The following USH2A variants were observed in gnomAD, a reference collection of about 807,000 sequenced individuals.
USH2A encodes the protein Usher syndrome 2A (autosomal recessive, mild).
A neutral mutation model predicts 538.9 loss-of-function variants in USH2A; 443 were observed. The ratio of observed to expected loss-of-function variants is 0.82; its 90% CI spans 0.76 to 0.89. USH2A has a LOEUF of 0.89. Among genes scored for constraint, USH2A ranks in the 40% least tolerant of loss-of-function variants. The probability of loss-of-function intolerance (pLI) is 0.00; values close to 1 mark genes in which losing one functional copy is unlikely to be tolerated. For synonymous variants in USH2A, 2,413 were observed against 2,273.5 expected, an observed-to-expected ratio of 1.06 and a Z score of -1.75; for missense variants, 6,633 against 6,324.8, an observed-to-expected ratio of 1.05 and a Z score of -1.65.
intron 38 of USH2A, among the ~76,000 whole-genome samples, chr1:215,933,918 G>A (rs35727012): frequency 0.096 from 14,571 of 151,918 alleles, 1,069 homozygotes; most frequent in African/African-American, 0.2. Context: ...CCCTAGAGGG[G>A]TTTTCCTCAA....
In USH2A at chr1:215,759,834, A is replaced by G. The variant is rs770082823; in HGVS notation, c.11057T>C (p.Val3686Ala). Residue 3686 changes from valine to alanine, a missense_variant, in exon 57 of 72, where the codon GTG becomes GCG. Val to Ala is a moderately conservative substitution (Grantham distance 64). Coordinates refer to ENST00000307340, the MANE Select transcript of USH2A (RefSeq NM_206933.4). Reference protein sequence around the residue: ...TLQAAPEGVWVTPRHIIINST... With the variant: ...TLQAAPEGVWATPRHIIINST... ...ATTGATGATAATGTGTCGAGGTGTC[A>G]CCCAAACTCCTGGCAAGAATAACGC... 5.6e-6 allele frequency: 9 copies of G among 1,614,016 alleles called. No homozygotes were observed. In the South Asian group the frequency reaches 9.9e-5, roughly 18 times the overall value.
chr1:215,912,749 C>T (rs1259515597), intron 38 of USH2A, among the ~76,000 whole-genome samples: 1 of 151,956 alleles, frequency 6.6e-6, no homozygotes, highest in Non-Finnish European at 1.5e-5. Context: ...ATTATTTCAT[C>T]ACCCAGGTAA....
chr1:216,183,239 C>T (rs1002190910), intron 20 of USH2A, among the ~76,000 whole-genome samples: 10 of 151,938 alleles, frequency 6.6e-5, no homozygotes, highest in Admixed American at 2.6e-4. Flanking sequence ...TCATCAGCTG[C>T]GCTTTTCTAT....
At chr1:216,115,122 GTT>G (rs1188390174) in intron 21 of USH2A, among the ~76,000 whole-genome samples, 1 of 149,226 alleles carries the variant, frequency 6.7e-6, no homozygotes, top group Non-Finnish European at 1.5e-5. Context: ...TTTTTGTTTT[GTT>G]TTGTTTTGTT....
rs541449864 is a variant in USH2A, at chr1:215,687,152, G to A, written c.12067-6776C>T. Reference sequence around the variant, plus strand: ...GGGTAACAATGAGGCCAACTCAAATGTACTCATAAGTGTTAAAGCATTCCT... The same window carrying A: ...GGGTAACAATGAGGCCAACTCAAATATACTCATAAGTGTTAAAGCATTCCT... On this transcript the variant is annotated intron_variant, in intron 61 of 71. Coordinates refer to ENST00000307340, the MANE Select transcript of USH2A (RefSeq NM_206933.4). 9.2e-5 allele frequency among the ~76,000 whole-genome samples: 14 copies of A among 152,198 alleles called. No individual in the cohort carries two copies. In the South Asian group the frequency reaches 2.3e-3, roughly 25 times the overall value.
chr1:215,713,904 G>T (rs1659409497), intron 61 of USH2A, among the ~76,000 whole-genome samples: 3 of 152,208 alleles, frequency 2.0e-5, no homozygotes, highest in Admixed American at 1.3e-4. Context: ...TGAGAGAGCT[G>T]CAATCAAATC....
chr1:216,175,157 G>T, intron 21 of USH2A, 95 bp downstream of exon 21: 2 of 1,566,084 alleles, frequency 1.3e-6, no homozygotes, highest in Non-Finnish European at 1.7e-6. Flanking sequence ...TCTCTAAGTA[G>T]GTATAATAAA....
chr1:215,875,589 T>A (rs1664742255), intron 43 of USH2A, among the ~76,000 whole-genome samples: 1 of 152,066 alleles, frequency 6.6e-6, no homozygotes, highest in South Asian at 2.1e-4. Flanking sequence ...ATAACTAACT[T>A]CATGGCCTTG....
At chr1:216,275,471 A>G (rs1324030982) in intron 11 of USH2A, among the ~76,000 whole-genome samples, 1 of 152,088 alleles carries the variant, frequency 6.6e-6, no homozygotes, top group Non-Finnish European at 1.5e-5. Flanking sequence ...TGGCTTAACT[A>G]TCTGTTTTAT....
chr1:215,705,494 T>C (rs941152029), intron 61 of USH2A, among the ~76,000 whole-genome samples: 1 of 152,338 alleles, frequency 6.6e-6, no homozygotes, highest in Non-Finnish European at 1.5e-5. Context: ...ACAGTGATTA[T>C]AAGATTGTTA....
intron 48 of USH2A, among the ~76,000 whole-genome samples, 188 bp from the exon 49 acceptor site, chr1:215,814,092 T>C (rs147144687): frequency 4.2e-4 from 64 of 150,818 alleles, no homozygotes; most frequent in Admixed American, 2.5e-3. Context: ...TTTGATAGAA[T>C]GCAGCTTTTT....
intron 44 of USH2A, among the ~76,000 whole-genome samples, chr1:215,854,813 T>C (rs2365630): frequency 0.57 from 86,544 of 151,950 alleles, 24,920 homozygotes; most frequent in Admixed American, 0.68. Context: ...ACCTGGCCAG[T>C]GCCATGTTGT....
chr1:215,844,537 C>G, intron 45 of USH2A, 41 bp from the exon 46 acceptor site: 1 of 1,593,970 alleles, frequency 6.3e-7, no homozygotes, highest in Non-Finnish European at 8.5e-7. Flanking sequence ...CCAGCTGTCT[C>G]TGAAAAAGCA....
Position 215,932,619 on chromosome 1 carries a change from A to G in USH2A, c.7300+1997T>C, listed in dbSNP as rs554963876. On this transcript the variant is annotated intron_variant, in intron 38 of 71. Coordinates refer to ENST00000307340, the MANE Select transcript of USH2A (RefSeq NM_206933.4). The stretch of plus-strand genomic sequence containing the variant: ...AAGAAAGTATGTCCTAATGGCCATA[A>G]TAAACTTTAGCGAATCACTGTCTGT... Among the ~76,000 whole-genome samples, 4 of 152,204 alleles carry G rather than the reference A, an allele frequency of 2.6e-5. No individual in the cohort carries two copies. In the East Asian group the frequency reaches 7.7e-4, roughly 29 times the overall value.
chr1:216,397,056 A>C (rs1195391368), intron 3 of USH2A, among the ~76,000 whole-genome samples: 1 of 152,216 alleles, frequency 6.6e-6, no homozygotes, highest in Admixed American at 6.5e-5. Flanking sequence ...TGCACACCTG[A>C]GAAGAATGGC....
At chr1:215,935,939 G>A (rs1382802324) in intron 37 of USH2A, among the ~76,000 whole-genome samples, 1 of 151,966 alleles carries the variant, frequency 6.6e-6, no homozygotes, top group Non-Finnish European at 1.5e-5. Context: ...TAGCTACTCA[G>A]GAGGCTGAGG....
chr1:215,938,108 T>C (rs1234483070), intron 37 of USH2A, among the ~76,000 whole-genome samples: 1 of 152,124 alleles, frequency 6.6e-6, no homozygotes, highest in Admixed American at 6.6e-5. Flanking sequence ...AAGAAGTATA[T>C]AATTACTCAA....
chr1:215,817,234 C>A (rs1436295403), intron 47 of USH2A, 39 bp from the exon 48 acceptor site: 2 of 1,598,520 alleles, frequency 1.3e-6, no homozygotes, highest in East Asian at 4.5e-5. Context: ...TGAAAAGACA[C>A]TATTTAACAT....
intron 69 of USH2A, among the ~76,000 whole-genome samples, chr1:215,638,681 T>G (rs1656577894): frequency 6.7e-6 from 1 of 149,704 alleles, no homozygotes; most frequent in African/African-American, 2.5e-5. Context: ...CCATGAGGAC[T>G]TTTTAAAAAA....
Sources: allele counts gnomAD v4.1 joint callset (sites outside exome capture counted in the v4.1 genomes callset), GRCh38; gene constraint gnomAD v4.1.1; transcripts MANE v1.5; gene names NCBI Gene and HGNC (gene_info 2026-07-23, HGNC 2026-07-21).